The following NDUFS4 variants were observed in gnomAD, a reference collection of about 807,000 sequenced individuals.
The protein encoded by NDUFS4 is NADH:ubiquinone oxidoreductase subunit S4.
NDUFS4 carries 28 observed loss-of-function variants against 24.3 expected under a neutral mutation model. The observed-to-expected ratio is 1.15, with a 90% CI of 0.85 to 1.58. The LOEUF is 1.58. Ranked by LOEUF, NDUFS4 falls within the 40% of genes most tolerant of loss-of-function variation. The probability of loss-of-function intolerance (pLI) is 0.00; values close to 1 mark genes in which losing one functional copy is unlikely to be tolerated. For missense variants in NDUFS4, 223 were observed against 207.9 expected, an observed-to-expected ratio of 1.07 and a Z score of -0.45; for synonymous variants, 93 against 69.7, an observed-to-expected ratio of 1.34 and a Z score of -1.67.
chr5:53,629,456 T>C (rs1341258682), intron 2 of NDUFS4, among the ~76,000 whole-genome samples: 1 of 152,166 alleles, frequency 6.6e-6, no homozygotes, highest in East Asian at 1.9e-4. Flanking sequence ...GTCTCGTTGA[T>C]GTGTCTAATA....
At chr5:53,663,856 TG>T (rs1438857595) in intron 4 of NDUFS4, among the ~76,000 whole-genome samples, 1 of 152,204 alleles carries the variant, frequency 6.6e-6, no homozygotes, top group East Asian at 1.9e-4. Flanking sequence ...TTGTTATGTG[TG>T]AATTTGACCC....
chr5:53,612,212 A>G (rs995298380), intron 2 of NDUFS4, among the ~76,000 whole-genome samples: 8 of 152,226 alleles, frequency 5.3e-5, no homozygotes, highest in Middle Eastern at 6.8e-3. Context: ...TTTATTCAAT[A>G]AATACTTACA....
At chr5:53,677,486 T>G (rs189011339) in intron 4 of NDUFS4, among the ~76,000 whole-genome samples, 78 of 152,332 alleles carry the variant, frequency 5.1e-4, no homozygotes, top group African/African-American at 1.8e-3. Flanking sequence ...AGGATACTTT[T>G]ACATTATTCT....
At chr5:53,667,649 A>G (rs1427885934) in intron 4 of NDUFS4, among the ~76,000 whole-genome samples, 2 of 152,104 alleles carry the variant, frequency 1.3e-5, no homozygotes, top group Non-Finnish European at 2.9e-5. Flanking sequence ...AGCTAGTGCT[A>G]TTGAAGGTTG....
At chr5:53,651,643 T>C (rs528787476) in intron 3 of NDUFS4, among the ~76,000 whole-genome samples, 65 of 152,194 alleles carry the variant, frequency 4.3e-4, no homozygotes, top group Non-Finnish European at 6.2e-4. Context: ...TAATGTGTTT[T>C]TTGCTGTGGG....
intron 1 of NDUFS4, among the ~76,000 whole-genome samples, chr5:53,565,757 G>GTGT (rs1446445904): frequency 6.6e-6 from 1 of 152,236 alleles, no homozygotes; most frequent in Non-Finnish European, 1.5e-5. Flanking sequence ...ACTTTGACAA[G>GTGT]TGTTCAGACA....
At chr5:53,628,558 C>T (rs986618469) in intron 2 of NDUFS4, among the ~76,000 whole-genome samples, 3 of 151,892 alleles carry the variant, frequency 2.0e-5, no homozygotes, top group South Asian at 2.1e-4. Flanking sequence ...TTTTAGAATC[C>T]GTTATTGGTC....
chr5:53,561,726 GT>G (rs1191904586), intron 1 of NDUFS4, among the ~76,000 whole-genome samples: 1 of 152,154 alleles, frequency 6.6e-6, no homozygotes, highest in Non-Finnish European at 1.5e-5. Flanking sequence ...AATTGATTTA[GT>G]GTTAAATATA....
intron 2 of NDUFS4, among the ~76,000 whole-genome samples, chr5:53,634,864 A>G (rs1044808468): frequency 4.0e-5 from 6 of 151,848 alleles, no homozygotes; most frequent in Non-Finnish European, 2.9e-5. Flanking sequence ...CAGGTATCCT[A>G]AGATAGGTAC....
chr5:53,673,584 G>C (rs1740355285), intron 4 of NDUFS4, among the ~76,000 whole-genome samples: 1 of 152,128 alleles, frequency 6.6e-6, no homozygotes, highest in Non-Finnish European at 1.5e-5. Context: ...ACAATGATAA[G>C]ACATTCTCTT....
intron 4 of NDUFS4, 123 bp from the exon 5 acceptor site, chr5:53,682,995 A>G (rs575717108): frequency 3.9e-6 from 3 of 777,852 alleles, no homozygotes; most frequent in Admixed American, 1.7e-5. Context: ...ATGTGTTGAC[A>G]TATACTCTTG....
At chr5:53,673,797 G>T (rs1222633913) in intron 4 of NDUFS4, among the ~76,000 whole-genome samples, 2 of 152,106 alleles carry the variant, frequency 1.3e-5, no homozygotes, top group African/African-American at 4.8e-5. Context: ...AATTGAAAAT[G>T]GTTACACGTC....
chr5:53,671,724 A>T (rs1176888038), intron 4 of NDUFS4, among the ~76,000 whole-genome samples: 1 of 152,166 alleles, frequency 6.6e-6, no homozygotes, highest in Non-Finnish European at 1.5e-5. Context: ...AAGCTACATC[A>T]TGGAGAGAGG....
At chr5:53,605,057 T>C (rs1579862618) in intron 2 of NDUFS4, among the ~76,000 whole-genome samples, 2 of 152,074 alleles carry the variant, frequency 1.3e-5, no homozygotes, top group East Asian at 3.9e-4. Flanking sequence ...CCGTCTCTAC[T>C]AAAAATACAA....
At chr5:53,655,329 C>T (rs565359811) in intron 3 of NDUFS4, among the ~76,000 whole-genome samples, 9 of 151,928 alleles carry the variant, frequency 5.9e-5, no homozygotes, top group Non-Finnish European at 1.2e-4. Flanking sequence ...GAGGTAACCA[C>T]CGTTCTGACT....
chr5:53,574,449 G>GTTT (rs1469062000), intron 1 of NDUFS4, among the ~76,000 whole-genome samples: 1 of 152,100 alleles, frequency 6.6e-6, no homozygotes, highest in Admixed American at 6.5e-5. Context: ...TCGTATACTG[G>GTTT]CATATTTGGT....
intron 3 of NDUFS4, among the ~76,000 whole-genome samples, chr5:53,654,558 A>G (rs439641): frequency 0.78 from 119,199 of 151,990 alleles, 46,871 homozygotes; most frequent in African/African-American, 0.83. Flanking sequence ...CATTATGTAT[A>G]TCTCCTATTT....
intron 2 of NDUFS4, among the ~76,000 whole-genome samples, chr5:53,635,723 C>T (rs991328138): frequency 2.1e-4 from 32 of 152,146 alleles, no homozygotes; most frequent in African/African-American, 6.7e-4. Flanking sequence ...TTCATTTCTT[C>T]GTTAAGCATA....
At position 53,646,434 on chromosome 5, in the gene NDUFS4, G is replaced by T. The variant is rs764058052; in HGVS notation, c.350+29G>T. The T allele has an allele frequency of 4.4e-6, 7 of 1,606,338 alleles. 1 individual carries two copies. The highest frequency in any genetic ancestry group is 3.3e-4 in the Middle Eastern group (2 of 6,046). On this transcript the variant is annotated intron_variant, in intron 3 of 4. Coordinates refer to ENST00000296684, the MANE Select transcript of NDUFS4 (RefSeq NM_002495.4). ...AGTACTTTATTTTAATGTGAATATT[G>T]TCAGCTATCTTTTTCTATGTAGATC...
Sources: allele counts gnomAD v4.1 joint callset (sites outside exome capture counted in the v4.1 genomes callset), GRCh38; gene constraint gnomAD v4.1.1; transcripts MANE v1.5; gene names NCBI Gene and HGNC (gene_info 2026-07-23, HGNC 2026-07-21).